ASIC2: variants seen among roughly 807,000 people sequenced by gnomAD.
ASIC2 encodes the protein acid sensing ion channel subunit 2.
In ASIC2, 25 loss-of-function variants were observed where a neutral mutation model predicts 57.3. That is an observed-to-expected ratio of 0.44 (90% CI 0.32 to 0.61). The LOEUF (loss-of-function observed/expected upper bound fraction) is 0.61, where lower values mean the gene tolerates loss of function less well. Among genes scored for constraint, ASIC2 ranks in the 20% least tolerant of loss-of-function variants. The pLI, the probability that ASIC2 is intolerant of heterozygous loss-of-function variation, is 0.06. For missense variants in ASIC2, 641 were observed against 738.1 expected (o/e 0.87, Z 1.52); for synonymous variants, 319 against 307.5 (o/e 1.04, Z -0.39).
At chr17:33,491,839 G>C (rs1477596946) in intron 1 of ASIC2, among the ~76,000 whole-genome samples, 1 of 152,242 alleles carries the variant, frequency 6.6e-6, no homozygotes, top group African/African-American at 2.4e-5. Flanking sequence ...AGGCAAGAGG[G>C]AGTCAGTATT....
chr17:33,988,430 T>C (rs1274746811), intron 1 of ASIC2, among the ~76,000 whole-genome samples: 1 of 152,196 alleles, frequency 6.6e-6, no homozygotes, highest in Non-Finnish European at 1.5e-5. Context: ...CTGCCATCCA[T>C]GTAAGATGTG....
intron 1 of ASIC2, among the ~76,000 whole-genome samples, chr17:33,572,817 C>A (rs1567654845): frequency 6.6e-6 from 1 of 152,204 alleles, no homozygotes; most frequent in African/African-American, 2.4e-5. Flanking sequence ...TGTGCCTTCC[C>A]CTGCTCCATA....
intron 1 of ASIC2, among the ~76,000 whole-genome samples, chr17:33,346,790 C>T (rs868841184): frequency 6.6e-6 from 1 of 151,960 alleles, no homozygotes; most frequent in Non-Finnish European, 1.5e-5. Flanking sequence ...TGAGGTGCTT[C>T]AATATTTGGA....
At chr17:33,996,990 A>G (rs1218256271) in intron 1 of ASIC2, among the ~76,000 whole-genome samples, 1 of 152,186 alleles carries the variant, frequency 6.6e-6, no homozygotes, top group African/African-American at 2.4e-5. Flanking sequence ...ACCTATGAAC[A>G]TGAGATCTTT....
intron 1 of ASIC2, among the ~76,000 whole-genome samples, chr17:33,578,750 T>A (rs112757034): frequency 6.6e-6 from 1 of 152,184 alleles, no homozygotes; most frequent in African/African-American, 2.4e-5. Context: ...GGCTTTTCAA[T>A]ACAGCCCCAC....
chr17:33,973,159 T>C (rs1905270204), intron 1 of ASIC2, among the ~76,000 whole-genome samples: 1 of 152,164 alleles, frequency 6.6e-6, no homozygotes, highest in African/African-American at 2.4e-5. Flanking sequence ...CCACAGAGAC[T>C]GAGGTGGAAC....
intron 1 of ASIC2, among the ~76,000 whole-genome samples, chr17:33,920,685 C>T (rs766005995): frequency 6.6e-6 from 1 of 152,306 alleles, no homozygotes; most frequent in African/African-American, 2.4e-5. Context: ...AACAAACCTG[C>T]ACATGTACCC....
intron 1 of ASIC2, among the ~76,000 whole-genome samples, chr17:33,799,431 T>TTTCTTTCTTTC (rs1567719054): frequency 0.049 from 1,083 of 22,014 alleles, 7 homozygotes; most frequent in Middle Eastern, 0.087. Context: ...TTCTTTCTTC[T>TTTCTTTCTTTC]TTCTTTCTTT....
chr17:34,090,491 G>A (rs1224463933), intron 1 of ASIC2, among the ~76,000 whole-genome samples: 2 of 151,984 alleles, frequency 1.3e-5, no homozygotes, highest in Non-Finnish European at 2.9e-5. Flanking sequence ...GTTGGGGGTG[G>A]GGCAGTTTGA....
chr17:34,058,181 C>A (rs78150523), intron 1 of ASIC2, among the ~76,000 whole-genome samples: 1 of 152,296 alleles, frequency 6.6e-6, no homozygotes, highest in South Asian at 2.1e-4. Context: ...ATATCTGAGT[C>A]GGTTCTGTAC....
chr17:33,904,198 T>TATG (rs1020643372), intron 1 of ASIC2, among the ~76,000 whole-genome samples: 1 of 138,876 alleles, frequency 7.2e-6, no homozygotes, highest in Non-Finnish European at 1.5e-5. Context: ...GAATTATAGC[T>TATG]ATGATGATGA....
At chr17:33,434,566 TAAAG>T (rs1226636149) in intron 1 of ASIC2, among the ~76,000 whole-genome samples, 2 of 152,200 alleles carry the variant, frequency 1.3e-5, no homozygotes, top group Non-Finnish European at 2.9e-5. Context: ...TTAAGATACT[TAAAG>T]AAAGAAAATA....
chr17:33,202,209 G>T (rs979351569), intron 1 of ASIC2, among the ~76,000 whole-genome samples: 3 of 152,090 alleles, frequency 2.0e-5, no homozygotes, highest in Non-Finnish European at 4.4e-5. Context: ...AAACACCAAC[G>T]ATGCGGATGG....
chr17:34,009,113 T>A (rs1167646700), intron 1 of ASIC2, among the ~76,000 whole-genome samples: 2 of 152,144 alleles, frequency 1.3e-5, no homozygotes, highest in Non-Finnish European at 2.9e-5. Context: ...TGTAATCCTG[T>A]TTTATCATTT....
chr17:33,528,977 C>G (rs1439997772), intron 1 of ASIC2, among the ~76,000 whole-genome samples: 1 of 152,164 alleles, frequency 6.6e-6, no homozygotes, highest in Non-Finnish European at 1.5e-5. Flanking sequence ...GGCTCCGATT[C>G]AATGGGATTA....
At chr17:33,133,301 A>AG (rs2092354642) in intron 1 of ASIC2, among the ~76,000 whole-genome samples, 1 of 152,106 alleles carries the variant, frequency 6.6e-6, no homozygotes, top group South Asian at 2.1e-4. Context: ...AGTGAATGCG[A>AG]GGGGTGCTCT....
chr17:33,653,208 CCTT>C (rs1337316656), intron 1 of ASIC2, among the ~76,000 whole-genome samples: 4 of 152,288 alleles, frequency 2.6e-5, no homozygotes, highest in Non-Finnish European at 5.9e-5. Context: ...AGCTTGCTGG[CCTT>C]CTTCCCTGTT....
intron 1 of ASIC2, among the ~76,000 whole-genome samples, chr17:33,148,111 G>A (rs1339494372): frequency 1.3e-5 from 2 of 152,184 alleles, no homozygotes; most frequent in Non-Finnish European, 2.9e-5. Flanking sequence ...ACAACGCCTT[G>A]TCAGTATATA....
chr17:33,657,681 C>T (rs574111890), intron 1 of ASIC2, among the ~76,000 whole-genome samples: 2 of 150,178 alleles, frequency 1.3e-5, no homozygotes, highest in African/African-American at 4.9e-5. Context: ...CCAGCTCCCC[C>T]GAAAGCTTAT....
Sources: gnomAD v4.1 joint callset for allele counts (sites outside exome capture counted in the v4.1 genomes callset) on GRCh38, gnomAD v4.1.1 for gene constraint, MANE v1.5 for transcripts, NCBI Gene and HGNC (gene_info 2026-07-23, HGNC 2026-07-21) for gene names.